Variants in TOX observed in about 807,000 individuals in gnomAD.
TOX encodes thymocyte selection associated high mobility group box.
Under a neutral mutation model 53.7 loss-of-function variants are expected in TOX, and 11 were observed. The observed-to-expected ratio is 0.20, with a 90% CI of 0.13 to 0.34. TOX has a LOEUF of 0.34. TOX is among the 10% of genes least tolerant of loss of function. TOX has a pLI of 1.00. For synonymous variants in TOX, 225 were observed against 245.3 expected, an observed-to-expected ratio of 0.92 and a Z score of 0.77; for missense variants, 570 against 664.6, an observed-to-expected ratio of 0.86 and a Z score of 1.56.
chr8:58,958,234 T>C (rs1254990642), intron 2 of TOX, among the ~76,000 whole-genome samples: 1 of 152,210 alleles, frequency 6.6e-6, no homozygotes, highest in South Asian at 2.1e-4. Context: ...GTTAGTTGTT[T>C]GATTTCAGTA....
At chr8:58,945,471 A>G (rs967975681) in intron 2 of TOX, among the ~76,000 whole-genome samples, 1 of 152,088 alleles carries the variant, frequency 6.6e-6, no homozygotes, top group African/African-American at 2.4e-5. Context: ...CTGAAGTCCA[A>G]CCTTCCCAGA....
chr8:59,069,860 G>C (rs918366179), intron 1 of TOX, among the ~76,000 whole-genome samples: 1 of 152,218 alleles, frequency 6.6e-6, no homozygotes, highest in Admixed American at 6.5e-5. Context: ...TGGCCACACA[G>C]AGTTCAGTGT....
At position 58,880,890 on chromosome 8, in the gene TOX, G is replaced by T. The variant is rs114611723; in HGVS notation, c.412-29085C>A. ...GGTTGCATATATGGAAGTTATCCTTGAATAGCTACATGAAGATGTGAATAA... is the reference window on the plus strand; with the variant it reads ...GGTTGCATATATGGAAGTTATCCTTTAATAGCTACATGAAGATGTGAATAA... On this transcript the variant is annotated intron_variant, in intron 3 of 8. Transcript: ENST00000361421. Among the ~76,000 whole-genome samples the T allele has an allele frequency of 1.2e-3, 182 of 152,258 alleles. 1 individual carries two copies. Among genetic ancestry groups the T allele is most frequent in the African/African-American group, 4.1e-3 (172 of 41,548 alleles).
Position 58,861,933 on chromosome 8 carries a change from C to A in TOX, c.412-10128G>T, listed in dbSNP as rs542696816. On this transcript the variant is annotated intron_variant, in intron 3 of 8. Transcript: ENST00000361421. ...ATCATTAGATACACGTGACATTCAGCTTAAAAATACATCTTAAGAAGCAAA... is the reference window on the plus strand; with the variant it reads ...ATCATTAGATACACGTGACATTCAGATTAAAAATACATCTTAAGAAGCAAA... Among the ~76,000 whole-genome samples the A allele has an allele frequency of 2.6e-5, 4 of 152,248 alleles. No individual in the cohort carries two copies. In the South Asian group the frequency reaches 8.3e-4, roughly 32 times the overall value.
intron 1 of TOX, among the ~76,000 whole-genome samples, chr8:59,066,564 C>A (rs1804097657): frequency 2.0e-5 from 3 of 152,146 alleles, no homozygotes; most frequent in African/African-American, 7.2e-5. Context: ...TTACAGATTG[C>A]CTGCCTTCCC....
intron 5 of TOX, among the ~76,000 whole-genome samples, chr8:58,837,855 T>C (rs983156056): frequency 6.6e-6 from 1 of 152,216 alleles, no homozygotes; most frequent in African/African-American, 2.4e-5. Context: ...CAAAAGTAAC[T>C]AAACTATATA....
chr8:58,924,020 C>T (rs558810930), intron 3 of TOX, among the ~76,000 whole-genome samples: 1 of 152,244 alleles, frequency 6.6e-6, no homozygotes, highest in South Asian at 2.1e-4. Context: ...TTTTATATTC[C>T]ATGAAGCTCT....
chr8:59,097,770 T>G (rs1466337084), intron 1 of TOX, among the ~76,000 whole-genome samples: 1 of 152,248 alleles, frequency 6.6e-6, no homozygotes, highest in Non-Finnish European at 1.5e-5. Context: ...TTATGATATG[T>G]AAACATTATG....
chr8:58,864,002 G>T (rs1350387815), intron 3 of TOX, among the ~76,000 whole-genome samples: 4 of 151,952 alleles, frequency 2.6e-5, no homozygotes, highest in Non-Finnish European at 4.4e-5. Context: ...ACATCAGAAG[G>T]TACATGAGTA....
At chr8:58,807,939 T>G (rs910358435) in intron 8 of TOX, among the ~76,000 whole-genome samples, 156 bp from the exon 9 acceptor site, 1 of 152,254 alleles carries the variant, frequency 6.6e-6, no homozygotes, top group Non-Finnish European at 1.5e-5. Context: ...AGAAGTGAGC[T>G]AAAGGCATTT....
At chr8:59,017,212 C>T (rs1343231040) in intron 1 of TOX, among the ~76,000 whole-genome samples, 2 of 152,234 alleles carry the variant, frequency 1.3e-5, no homozygotes, top group Non-Finnish European at 2.9e-5. Flanking sequence ...ACATATGCTA[C>T]TTATCATACT....
intron 5 of TOX, among the ~76,000 whole-genome samples, chr8:58,830,004 G>A (rs766637247): frequency 6.6e-6 from 1 of 152,106 alleles, no homozygotes; most frequent in Non-Finnish European, 1.5e-5. Context: ...TGACAAGGAT[G>A]GGTCTGATTT....
chr8:58,861,444 A>G (rs1811008284), intron 3 of TOX, among the ~76,000 whole-genome samples: 1 of 152,188 alleles, frequency 6.6e-6, no homozygotes, highest in Admixed American at 6.6e-5. Context: ...TCTGTGCTAC[A>G]AAGTGTAGGC....
intron 3 of TOX, among the ~76,000 whole-genome samples, chr8:58,865,201 G>T (rs1811075736): frequency 1.3e-5 from 2 of 152,104 alleles, no homozygotes; most frequent in South Asian, 4.1e-4. Flanking sequence ...TGTACAAGGG[G>T]TTTAACCACA....
intron 1 of TOX, among the ~76,000 whole-genome samples, chr8:58,979,615 T>G (rs1813163414): frequency 6.6e-6 from 1 of 152,234 alleles, no homozygotes; most frequent in South Asian, 2.1e-4. Context: ...GCATTCAAGC[T>G]ATATTTCTCA....
At chr8:58,883,374 T>C (rs1811414638) in intron 3 of TOX, among the ~76,000 whole-genome samples, 1 of 152,250 alleles carries the variant, frequency 6.6e-6, no homozygotes, top group Admixed American at 6.5e-5. Flanking sequence ...TCTATTTTAT[T>C]ATTCCATTAT....
chr8:58,891,735 C>T (rs1032601873), intron 3 of TOX, among the ~76,000 whole-genome samples: 3 of 152,200 alleles, frequency 2.0e-5, no homozygotes, highest in African/African-American at 7.2e-5. Flanking sequence ...CTTAGAGAGA[C>T]TGGAGTGCTT....
intron 7 of TOX, among the ~76,000 whole-genome samples, chr8:58,812,463 G>A (rs1810100492): frequency 6.6e-6 from 1 of 152,088 alleles, no homozygotes; most frequent in Admixed American, 6.5e-5. Context: ...GCTGCTGTCT[G>A]TGGGAACGTC....
chr8:58,907,962 C>T (rs929639556), intron 3 of TOX, among the ~76,000 whole-genome samples: 1 of 152,134 alleles, frequency 6.6e-6, no homozygotes, highest in Non-Finnish European at 1.5e-5. Flanking sequence ...TTTCGGTGTA[C>T]GTGTGCAGGA....
Sources: allele counts gnomAD v4.1 joint callset (sites outside exome capture counted in the v4.1 genomes callset), GRCh38; gene constraint gnomAD v4.1.1; transcripts MANE v1.5; gene names NCBI Gene and HGNC (gene_info 2026-07-23, HGNC 2026-07-21).